The following AGAP1 variants were observed in gnomAD, a reference collection of about 807,000 sequenced individuals.
AGAP1 encodes the protein arf-GAP with GTPase, ANK repeat and PH domain-containing protein 1.
In AGAP1, 29 loss-of-function variants were observed where a neutral mutation model predicts 105.3. The ratio of observed to expected loss-of-function variants is 0.28; its 90% CI spans 0.21 to 0.38. The LOEUF (loss-of-function observed/expected upper bound fraction) is 0.38. Ranked by LOEUF, AGAP1 falls within the 10% of genes least tolerant of loss-of-function variation. AGAP1 has a pLI of 1.00. For missense variants in AGAP1, 998 were observed against 1,165.1 expected (o/e 0.86, Z 2.09); for synonymous variants, 509 against 485.9 (o/e 1.05, Z -0.63).
In AGAP1 at chr2:235,971,772, T is replaced by TTG. The variant is rs1559711488; in HGVS notation, c.1645+3149_1645+3150insTG. Among the ~76,000 whole-genome samples, 3 of 148,522 alleles carry TTG rather than the reference T, an allele frequency of 2.0e-5. No individual in the cohort carries two copies. The highest frequency in any genetic ancestry group is 7.5e-5 in the African/African-American group (3 of 39,802). ...TTATTTATTTATTTATTTATTTATT[T>TTG]ATTTATTTATTTATTGTATTTTTTG... is the stretch of plus-strand genomic sequence containing the variant. On this transcript the variant is annotated intron_variant, in intron 13 of 17. Coordinates refer to ENST00000304032, the MANE Select transcript of AGAP1 (RefSeq NM_001037131.3). This position sits in a 1 kb window ranked among gnomAD's most constrained non-coding sequence, Gnocchi z 4.8.
chr2:236,063,334 A>G (rs1229617192), intron 16 of AGAP1, among the ~76,000 whole-genome samples: 1 of 151,914 alleles, frequency 6.6e-6, no homozygotes, highest in Non-Finnish European at 1.5e-5. Context: ...CAAGTGATCC[A>G]CTGGCCTCGA....
chr2:236,054,856 C>T (rs1306141593), intron 16 of AGAP1, among the ~76,000 whole-genome samples: 1 of 152,168 alleles, frequency 6.6e-6, no homozygotes, highest in Non-Finnish European at 1.5e-5. Flanking sequence ...CTGCCCCTGC[C>T]GCCACTGCCG....
At chr2:235,952,305 G>T (rs933891853) in intron 12 of AGAP1, among the ~76,000 whole-genome samples, 1 of 151,932 alleles carries the variant, frequency 6.6e-6, no homozygotes, top group Non-Finnish European at 1.5e-5. Context: ...CAGCAGGAGA[G>T]AAAAATATTT....
At chr2:235,735,752 A>G (rs1952210899) in intron 3 of AGAP1, among the ~76,000 whole-genome samples, 1 of 152,066 alleles carries the variant, frequency 6.6e-6, no homozygotes, top group Admixed American at 6.6e-5. Context: ...GCTTATGAAT[A>G]CAAGCTCAAG....
intron 1 of AGAP1, among the ~76,000 whole-genome samples, chr2:235,591,409 G>A (rs1945335283): frequency 6.6e-6 from 1 of 152,212 alleles, no homozygotes; most frequent in Admixed American, 6.5e-5. Flanking sequence ...GTCTTGGTGT[G>A]AAACGCAGTG....
At chr2:236,110,018 A>C (rs1468011848) in intron 16 of AGAP1, among the ~76,000 whole-genome samples, 1 of 152,148 alleles carries the variant, frequency 6.6e-6, no homozygotes, top group Non-Finnish European at 1.5e-5. Context: ...ATGTTTCCTA[A>C]TTTGGGAGGC....
intron 13 of AGAP1, among the ~76,000 whole-genome samples, chr2:235,997,781 G>T (rs80144097): frequency 6.7e-4 from 102 of 152,224 alleles, no homozygotes; most frequent in Middle Eastern, 6.8e-3. Context: ...GTTCTGGTCT[G>T]CCCTCTTAAT....
rs79012999 is a variant in AGAP1 at position 235,716,641 on chromosome 2, G to A, written c.223-916G>A. ...TTTGATCACTAGCGATGTTCTAGTG[G>A]GGGAGGAAAAGGTTAAAATGCAGGA... On this transcript the variant is annotated intron_variant, in intron 2 of 17. Coordinates refer to ENST00000304032, the MANE Select transcript of AGAP1 (RefSeq NM_001037131.3). The surrounding 1 kb of genome is among the most constrained non-coding windows in gnomAD (Gnocchi z 4.0). Among the ~76,000 whole-genome samples, 4,466 of 152,162 alleles carry A rather than the reference G, an allele frequency of 0.029. 215 individuals are homozygous for A. Among genetic ancestry groups the A allele is most frequent in the African/African-American group, 0.1 (4,132 of 41,480 alleles).
At position 236,035,437 on chromosome 2, in the gene AGAP1, C is replaced by A. The variant is rs1290177085; in HGVS notation, c.1646-1124C>A. Among the ~76,000 whole-genome samples the A allele has an allele frequency of 1.3e-5, 2 of 152,058 alleles. No individual in the cohort carries two copies. Among genetic ancestry groups the A allele is most frequent in the Non-Finnish European group, 2.9e-5 (2 of 68,012 alleles). On this transcript the variant is annotated intron_variant, in intron 13 of 17. Coordinates refer to ENST00000304032, the MANE Select transcript of AGAP1 (RefSeq NM_001037131.3). This position sits in a 1 kb window ranked among gnomAD's most constrained non-coding sequence, Gnocchi z 4.2. ...TCACTTGAGATCAGGAGTTTGAGAC[C>A]AGCCTAGGGAGACACCATCTCTACA...
chr2:235,573,089 TTTC>T (rs752486902), intron 1 of AGAP1, among the ~76,000 whole-genome samples: 1 of 118,908 alleles, frequency 8.4e-6, no homozygotes, highest in Admixed American at 7.8e-5. Flanking sequence ...TTCTTTCTTC[TTTC>T]TTCTTCTTCT....
chr2:236,097,870 A>ACGACTCC (rs1324990592), intron 16 of AGAP1, among the ~76,000 whole-genome samples: 2 of 152,232 alleles, frequency 1.3e-5, no homozygotes, highest in East Asian at 1.9e-4. Context: ...CTATGAAATG[A>ACGACTCC]CGACTCCCGA....
chr2:236,042,901 C>T lies in AGAP1; in HGVS notation c.1891+2060C>T, dbSNP rs117461383. 2.1e-3 allele frequency among the ~76,000 whole-genome samples: 315 copies of T among 152,338 alleles called. 1 individual carries two copies. The highest frequency in any genetic ancestry group is 7.0e-3 in the South Asian group (34 of 4,824). ...GCCCGGTGCCAAACCCTCCCATGCG[C>T]TGTCTTTTCATTCTGCAACCCTAGT... On this transcript the variant is annotated intron_variant, in intron 15 of 17. Transcript: ENST00000304032. The surrounding 1 kb of genome is among the most constrained non-coding windows in gnomAD (Gnocchi z 5.6).
intron 6 of AGAP1, among the ~76,000 whole-genome samples, chr2:235,770,180 T>G (rs1204263471): frequency 2.0e-5 from 3 of 146,932 alleles, no homozygotes; most frequent in Non-Finnish European, 4.5e-5. Context: ...CAGGCTGGAA[T>G]GCAGTGGTGG....
chr2:235,757,459 G>A (rs1249676524), intron 6 of AGAP1, among the ~76,000 whole-genome samples: 31 of 152,216 alleles, frequency 2.0e-4, no homozygotes, highest in Admixed American at 2.0e-3. Context: ...CACACGCTGT[G>A]TACATCGTCC....
chr2:235,593,119 C>G (rs181245022), intron 1 of AGAP1, among the ~76,000 whole-genome samples: 19 of 152,246 alleles, frequency 1.2e-4, no homozygotes, highest in African/African-American at 4.6e-4. Flanking sequence ...GGCCTGTAAT[C>G]CTTATTGATA....
In AGAP1 at chr2:236,000,851, C is replaced by T. The variant is rs1576020409; in HGVS notation, c.1645+32228C>T. Among the ~76,000 whole-genome samples the T allele has an allele frequency of 6.6e-6, 1 of 152,116 alleles. No homozygotes were observed. The highest frequency in any genetic ancestry group is 2.4e-5 in the African/African-American group (1 of 41,426). ...TTCTGTAAGGAGGGTCTTCCAGGCACAGAGAGTGGCTGATGAGAAAGGGCC... is the reference window on the plus strand; with the variant it reads ...TTCTGTAAGGAGGGTCTTCCAGGCATAGAGAGTGGCTGATGAGAAAGGGCC... On this transcript the variant is annotated intron_variant, in intron 13 of 17. Transcript: ENST00000304032. The surrounding 1 kb of genome is among the most constrained non-coding windows in gnomAD (Gnocchi z 4.3).
In AGAP1 at chr2:236,083,274, G is replaced by A. The variant is rs917245741; in HGVS notation, c.2114+33993G>A. On this transcript the variant is annotated intron_variant, in intron 16 of 17. Transcript: ENST00000304032. This position sits in a 1 kb window ranked among gnomAD's most constrained non-coding sequence, Gnocchi z 5.3. ...TCTCAGGTTTTTCAGGTCAGTGTGT[G>A]CCTAATAATGCAGATGTCATGTGAT... Among the ~76,000 whole-genome samples the A allele has an allele frequency of 2.6e-5, 4 of 152,232 alleles. No individual in the cohort carries two copies. Among genetic ancestry groups the A allele is most frequent in the African/African-American group, 7.2e-5 (3 of 41,460 alleles).
rs115506086 is a variant in AGAP1, at chr2:235,865,623, T to C, written c.1051-17722T>C. On this transcript the variant is annotated intron_variant, in intron 9 of 17. Coordinates refer to ENST00000304032, the MANE Select transcript of AGAP1 (RefSeq NM_001037131.3). The surrounding 1 kb of genome is among the most constrained non-coding windows in gnomAD (Gnocchi z 6.2). ...ACTCCCTCCACTGTACAGAAGGAGC[T>C]GCAGAAAAGCCTCCATTTGTAAAAT... Among the ~76,000 whole-genome samples, 7,040 of 152,094 alleles carry C rather than the reference T, an allele frequency of 0.046. 513 individuals are homozygous for C. The highest frequency in any genetic ancestry group is 0.16 in the African/African-American group (6,501 of 41,452).
In AGAP1 at chr2:235,864,020, T is replaced by C. The variant is rs1033234729; in HGVS notation, c.1051-19325T>C. 6.6e-6 allele frequency among the ~76,000 whole-genome samples: 1 copy of C among 152,202 alleles called. No individual in the cohort carries two copies. The highest frequency in any genetic ancestry group is 1.5e-5 in the Non-Finnish European group (1 of 68,032). ...GACTTGTAAATATTTTCCATAGATATAAAAGTCGACTTCATAGCTTGCCTG... is the reference window on the plus strand; with the variant it reads ...GACTTGTAAATATTTTCCATAGATACAAAAGTCGACTTCATAGCTTGCCTG... On this transcript the variant is annotated intron_variant, in intron 9 of 17. Coordinates refer to ENST00000304032, the MANE Select transcript of AGAP1 (RefSeq NM_001037131.3). This position sits in a 1 kb window ranked among gnomAD's most constrained non-coding sequence, Gnocchi z 5.0.
Sources: gnomAD v4.1 joint callset for allele counts (sites outside exome capture counted in the v4.1 genomes callset) on GRCh38, gnomAD v4.1.1 for gene constraint, Gnocchi (gnomAD v3.1) non-coding constraint, MANE v1.5 for transcripts, NCBI Gene and HGNC (gene_info 2026-07-23, HGNC 2026-07-21) for gene names.